PPARD: variants seen among roughly 807,000 people sequenced by gnomAD.
PPARD encodes peroxisome proliferator-activated receptor delta.
A neutral mutation model predicts 39.5 loss-of-function variants in PPARD; 6 were observed. The ratio of observed to expected loss-of-function variants is 0.15; its 90% CI spans 0.08 to 0.30. The LOEUF is 0.30. Among genes scored for constraint, PPARD ranks in the 10% least tolerant of loss-of-function variants. PPARD has a pLI of 1.00. For missense variants in PPARD, 397 were observed against 596.8 expected (o/e 0.67, Z 3.49); for synonymous variants, 210 against 231.3 (o/e 0.91, Z 0.83).
intron 2 of PPARD, among the ~76,000 whole-genome samples, chr6:35,408,614 G>T (rs1765215117): frequency 6.6e-6 from 1 of 152,194 alleles, no homozygotes. Flanking sequence ...GAGCCTGCAG[G>T]GGAGAAACTG....
chr6:35,425,845 C>G lies in PPARD; in HGVS notation c.1092C>G (p.Leu364=). 6.2e-7 allele frequency: 1 copy of G among 1,614,086 alleles called. No individual in the cohort carries two copies. Among genetic ancestry groups the G allele is most frequent in the Non-Finnish European group, 8.5e-7 (1 of 1,180,018 alleles). ...GTGTCCCCACAGACCGGCCAGGCCTCATGAACGTTCCACGGGTGGAGGCTA... is the reference window on the plus strand; with the variant it reads ...GTGTCCCCACAGACCGGCCAGGCCTGATGAACGTTCCACGGGTGGAGGCTA... ...AIILCGDRPG[L]MNVPRVEAIQ... The change falls in exon 8 of 8, where the codon CTC becomes CTG. Residue 364 remains leucine (L), a synonymous_variant. Transcript: ENST00000360694. This position sits in a 1 kb window ranked among gnomAD's most constrained non-coding sequence, Gnocchi z 4.5.
chr6:35,402,242 T>G (rs1764740369), intron 2 of PPARD, among the ~76,000 whole-genome samples: 1 of 152,228 alleles, frequency 6.6e-6, no homozygotes, highest in Non-Finnish European at 1.5e-5. Context: ...TTAACATTTG[T>G]GGCCATGTCT....
At chr6:35,385,882 C>G (rs1047582534) in intron 2 of PPARD, among the ~76,000 whole-genome samples, 3 of 151,908 alleles carry the variant, frequency 2.0e-5, no homozygotes, top group African/African-American at 7.3e-5. Flanking sequence ...AGCAGGGAAG[C>G]CAGCCAAGAA....
At chr6:35,356,754 A>T (rs1761638512) in intron 2 of PPARD, among the ~76,000 whole-genome samples, 1 of 152,066 alleles carries the variant, frequency 6.6e-6, no homozygotes, top group South Asian at 2.1e-4. Flanking sequence ...GGGCAAAATC[A>T]CCCCTGGTTG....
At chr6:35,392,284 CA>C (rs1764055641) in intron 2 of PPARD, among the ~76,000 whole-genome samples, 1 of 152,168 alleles carries the variant, frequency 6.6e-6, no homozygotes, top group Non-Finnish European at 1.5e-5. Context: ...TTGCCCAAAG[CA>C]AACTGGTTCC....
chr6:35,377,358 C>T (rs765309563), intron 2 of PPARD, among the ~76,000 whole-genome samples: 4 of 152,156 alleles, frequency 2.6e-5, no homozygotes, highest in Non-Finnish European at 4.4e-5. Flanking sequence ...AGCTCTTTCA[C>T]GTTAATTTAG....
Position 35,363,409 on chromosome 6 carries a change from C to T in PPARD, c.-102+16259C>T, listed in dbSNP as rs1762027294. On this transcript the variant is annotated intron_variant, in intron 2 of 7. Transcript: ENST00000360694. This position sits in a 1 kb window ranked among gnomAD's most constrained non-coding sequence, Gnocchi z 4.5. ...CTGTACGTCCCCTCAAAGCCTGCGC[C>T]ACCGCCTCTCCCTTCACCACTCCCA... Among the ~76,000 whole-genome samples the T allele has an allele frequency of 6.6e-6, 1 of 152,226 alleles. No homozygotes were observed. Among genetic ancestry groups the T allele is most frequent in the African/African-American group, 2.4e-5 (1 of 41,456 alleles).
At chr6:35,419,100 C>G (rs1316187717) in intron 3 of PPARD, among the ~76,000 whole-genome samples, 1 of 152,094 alleles carries the variant, frequency 6.6e-6, no homozygotes, top group Non-Finnish European at 1.5e-5. Flanking sequence ...GGCTTCGGTC[C>G]CCCAACATCC....
At chr6:35,383,325 C>G (rs1196390030) in intron 2 of PPARD, among the ~76,000 whole-genome samples, 2 of 152,190 alleles carry the variant, frequency 1.3e-5, no homozygotes, top group East Asian at 1.9e-4. Context: ...AACTTGCGCA[C>G]TCAGTGCTCG....
intron 2 of PPARD, among the ~76,000 whole-genome samples, chr6:35,358,187 G>T (rs1226119695): frequency 1.3e-5 from 2 of 152,188 alleles, no homozygotes; most frequent in Non-Finnish European, 2.9e-5. Flanking sequence ...ATTGGACACA[G>T]GAGAAGGAGG....
rs1399212394 is a variant in PPARD at position 35,363,272 on chromosome 6, G to T, written c.-102+16122G>T. Among the ~76,000 whole-genome samples the T allele has an allele frequency of 6.6e-6, 1 of 152,174 alleles. No individual in the cohort carries two copies. The highest frequency in any genetic ancestry group is 1.5e-5 in the Non-Finnish European group (1 of 68,038). ...TTTGGCCTGCACACAGGTTGGGCTAGGAATTCATGCTTAAAAGCAGGCTGA... is the reference window on the plus strand; with the variant it reads ...TTTGGCCTGCACACAGGTTGGGCTATGAATTCATGCTTAAAAGCAGGCTGA... On this transcript the variant is annotated intron_variant, in intron 2 of 7. Coordinates refer to ENST00000360694, the MANE Select transcript of PPARD (RefSeq NM_006238.5). This position sits in a 1 kb window ranked among gnomAD's most constrained non-coding sequence, Gnocchi z 4.5.
intron 2 of PPARD, among the ~76,000 whole-genome samples, chr6:35,398,774 G>T (rs559109262): frequency 6.6e-6 from 1 of 152,156 alleles, no homozygotes; most frequent in Non-Finnish European, 1.5e-5. Context: ...ATGCTATCGT[G>T]GGTCAAGTAA....
chr6:35,342,811 C>G (rs1266897994), intron 1 of PPARD, 130 bp downstream of exon 1: 1 of 152,244 alleles, frequency 6.6e-6, no homozygotes, highest in African/African-American at 2.4e-5. Flanking sequence ...CTGCCGGGGT[C>G]CGCGGACAGC....
Position 35,426,145 on chromosome 6 carries a change from C to G in PPARD, c.*66C>G, listed in dbSNP as rs200687726. 11 of 1,564,446 alleles carry G rather than the reference C, an allele frequency of 7.0e-6. No individual in the cohort carries two copies. The highest frequency in any genetic ancestry group is 1.8e-5 in the Admixed American group (1 of 57,124). On this transcript the variant is annotated 3_prime_UTR_variant, in exon 8 of 8. Coordinates refer to ENST00000360694, the MANE Select transcript of PPARD (RefSeq NM_006238.5). ...GCACTGGAGGGGCCCACCCACATGA[C>G]TTTTCCATTGACCAGCCCTTGAGCA...
At chr6:35,371,614 C>T (rs1217674125) in intron 2 of PPARD, among the ~76,000 whole-genome samples, 2 of 152,162 alleles carry the variant, frequency 1.3e-5, no homozygotes, top group Admixed American at 6.5e-5. Flanking sequence ...ATGCACAGGT[C>T]GTTCCTCCCG....
chr6:35,362,605 C>T (rs1761987333), intron 2 of PPARD, among the ~76,000 whole-genome samples: 1 of 151,940 alleles, frequency 6.6e-6, no homozygotes, highest in Non-Finnish European at 1.5e-5. Flanking sequence ...GGGTGGGGGT[C>T]TTGGGAAGAG....
Position 35,426,524 on chromosome 6 carries a change from G to A in PPARD, c.*445G>A. On this transcript the variant is annotated 3_prime_UTR_variant, in exon 8 of 8. Transcript: ENST00000360694. ...CAGAAGAGAGTGGGGCCTGCCCTCT[G>A]CCCCATCATTGCACCTGCAGGCTTA... 1 of 186,550 alleles carries A rather than the reference G, an allele frequency of 5.4e-6. No homozygotes were observed. Among genetic ancestry groups the A allele is most frequent in the Non-Finnish European group, 1.1e-5 (1 of 89,082 alleles). The allele number at this position is 186,550 out of a possible 1,614,324, so 11.6% of individuals were successfully genotyped here.
chr6:35,369,470 G>A (rs986881318), intron 2 of PPARD, among the ~76,000 whole-genome samples: 2 of 151,972 alleles, frequency 1.3e-5, no homozygotes, highest in Admixed American at 1.3e-4. Flanking sequence ...GCCCCATCCC[G>A]CCCTTACTCC....
chr6:35,351,094 C>T (rs973661689), intron 2 of PPARD, among the ~76,000 whole-genome samples: 4 of 150,812 alleles, frequency 2.7e-5, no homozygotes, highest in East Asian at 2.0e-4. Context: ...GGCACAATCT[C>T]GGCTTACTGC....
Sources: gnomAD v4.1 joint callset for allele counts (sites outside exome capture counted in the v4.1 genomes callset) on GRCh38, gnomAD v4.1.1 for gene constraint, Gnocchi (gnomAD v3.1) non-coding constraint, MANE v1.5 for transcripts, NCBI Gene and HGNC (gene_info 2026-07-23, HGNC 2026-07-21) for gene names.